PRKCA: variants seen among roughly 807,000 people sequenced by gnomAD.
The protein encoded by PRKCA is protein kinase C alpha, also known as protein kinase C alpha type.
PRKCA carries 27 observed loss-of-function variants against 87.0 expected under a neutral mutation model. The ratio of observed to expected loss-of-function variants is 0.31; its 90% confidence interval spans 0.23 to 0.43. The LOEUF (loss-of-function observed/expected upper bound fraction) is 0.43. Among genes scored for constraint, PRKCA ranks in the 20% least tolerant of loss-of-function variants. PRKCA has a pLI of 1.00. For missense variants in PRKCA, 518 were observed against 852.3 expected, an observed-to-expected ratio of 0.61 and a Z score of 4.88; for synonymous variants, 329 against 311.1, an observed-to-expected ratio of 1.06 and a Z score of -0.61.
chr17:66,410,914 T>A (rs1195945246), intron 2 of PRKCA, among the ~76,000 whole-genome samples: 1 of 152,090 alleles, frequency 6.6e-6, no homozygotes, highest in African/African-American at 2.4e-5. Context: ...TAAATTACTT[T>A]TTCATGTGTG....
chr17:66,324,411 G>A (rs1311320806), intron 2 of PRKCA, among the ~76,000 whole-genome samples: 23 of 148,194 alleles, frequency 1.6e-4, no homozygotes, highest in Non-Finnish European at 7.4e-5. Flanking sequence ...AGGCCAACCT[G>A]GCCAACATGG....
At position 66,804,926 on chromosome 17, in the gene PRKCA, C is replaced by A; in HGVS notation, c.*889C>A. On this transcript the variant is annotated 3_prime_UTR_variant, in exon 17 of 17. Coordinates refer to ENST00000413366, the MANE Select transcript of PRKCA (RefSeq NM_002737.3). Reference sequence around the variant, plus strand: ...TCACCAACACCCACCCCCACACACACCAACATTTTGCTGCCTACCTTGTTA... The same window carrying A: ...TCACCAACACCCACCCCCACACACAACAACATTTTGCTGCCTACCTTGTTA... The A allele has an allele frequency of 1.1e-6, 1 of 923,996 alleles. No homozygotes were observed. The highest frequency in any genetic ancestry group is 1.3e-6 in the Non-Finnish European group (1 of 773,752). 57.2% of individuals were successfully genotyped at this position (923,996 alleles called of 1,614,324 possible).
chr17:66,422,750 G>A (rs1598659356), intron 2 of PRKCA, among the ~76,000 whole-genome samples: 1 of 152,124 alleles, frequency 6.6e-6, no homozygotes, highest in African/African-American at 2.4e-5. Flanking sequence ...CACAGTGGTT[G>A]GATTATTTAT....
intron 2 of PRKCA, among the ~76,000 whole-genome samples, chr17:66,427,498 C>T (rs936526197): frequency 7.9e-5 from 12 of 152,204 alleles, no homozygotes; most frequent in Non-Finnish European, 1.5e-4. Flanking sequence ...AAAGTTTGTT[C>T]ACTTCTGGTC....
intron 14 of PRKCA, among the ~76,000 whole-genome samples, chr17:66,780,440 G>T (rs1226595592): frequency 2.6e-5 from 4 of 152,168 alleles, no homozygotes; most frequent in Non-Finnish European, 5.9e-5. Flanking sequence ...ACTTTGGGAG[G>T]CCCAGGTGGG....
intron 3 of PRKCA, among the ~76,000 whole-genome samples, chr17:66,582,387 T>G (rs1402227465): frequency 6.6e-6 from 1 of 152,114 alleles, no homozygotes; most frequent in Non-Finnish European, 1.5e-5. Flanking sequence ...ATTGTAATAA[T>G]CCCCATGTGT....
intron 3 of PRKCA, among the ~76,000 whole-genome samples, chr17:66,621,911 A>G (rs970834059): frequency 6.6e-6 from 1 of 152,250 alleles, no homozygotes; most frequent in Non-Finnish European, 1.5e-5. Flanking sequence ...GTCTTTAAAA[A>G]TAAGTTGAGG....
chr17:66,687,262 T>C lies in PRKCA; in HGVS notation c.681T>C (p.Phe227=). 1 of 1,613,574 alleles carries C rather than the reference T, an allele frequency of 6.2e-7. No homozygotes were observed. The highest frequency in any genetic ancestry group is 1.1e-5 in the South Asian group (1 of 91,044). ...STLNPQWNES[F]TFKLKPSDKD... is the part of the protein sequence containing the mutation. ...TAAATCCGCAGTGGAATGAGTCCTT[T>C]ACATTGTAAGTGGTCTCTCCTTGAT... Residue 227 remains phenylalanine (F), a synonymous_variant, in exon 6 of 17, where the codon TTT becomes TTC. Transcript: ENST00000413366.
intron 3 of PRKCA, among the ~76,000 whole-genome samples, chr17:66,565,892 C>A (rs913168679): frequency 1.3e-5 from 2 of 151,934 alleles, no homozygotes; most frequent in African/African-American, 4.8e-5. Context: ...CGTTGACTAC[C>A]CCGGGAAATC....
chr17:66,539,096 G>A (rs1967888983), intron 3 of PRKCA, among the ~76,000 whole-genome samples: 1 of 152,186 alleles, frequency 6.6e-6, no homozygotes, highest in African/African-American at 2.4e-5. Context: ...ACAGGCAAAT[G>A]TACTAAAACA....
chr17:66,478,203 A>G (rs901907539), intron 2 of PRKCA, among the ~76,000 whole-genome samples: 1 of 152,168 alleles, frequency 6.6e-6, no homozygotes, highest in African/African-American at 2.4e-5. Context: ...GTAGAGGAAT[A>G]GTCACTTGTG....
At chr17:66,626,247 G>A (rs1159611159) in intron 3 of PRKCA, among the ~76,000 whole-genome samples, 1 of 150,924 alleles carries the variant, frequency 6.6e-6, no homozygotes, top group Non-Finnish European at 1.5e-5. Context: ...TCCAGCAGTG[G>A]CATGATCTTG....
chr17:66,791,392 G>A (rs1300234881), intron 16 of PRKCA, among the ~76,000 whole-genome samples: 2 of 152,058 alleles, frequency 1.3e-5, no homozygotes, highest in African/African-American at 4.8e-5. Flanking sequence ...AAAAGAGGAA[G>A]GAGCTAGAAA....
intron 2 of PRKCA, among the ~76,000 whole-genome samples, chr17:66,370,719 A>G (rs1041489861): frequency 6.6e-6 from 1 of 151,514 alleles, no homozygotes; most frequent in Non-Finnish European, 1.5e-5. Flanking sequence ...CCCGGCTAAC[A>G]TTTTATGTTT....
At chr17:66,636,262 G>A (rs1043017138) in intron 3 of PRKCA, among the ~76,000 whole-genome samples, 2 of 152,106 alleles carry the variant, frequency 1.3e-5, no homozygotes, top group African/African-American at 4.8e-5. Flanking sequence ...CTAACACTGT[G>A]GTTTCTTTTG....
chr17:66,479,803 A>C (rs1257597558), intron 2 of PRKCA, among the ~76,000 whole-genome samples: 1 of 152,164 alleles, frequency 6.6e-6, no homozygotes, highest in Admixed American at 6.5e-5. Context: ...CAGCTAAACA[A>C]TGAGAACACA....
intron 2 of PRKCA, among the ~76,000 whole-genome samples, chr17:66,379,681 C>A (rs1480862285): frequency 2.0e-5 from 3 of 152,188 alleles, no homozygotes; most frequent in Non-Finnish European, 4.4e-5. Context: ...TCATGAAAGA[C>A]TTAGCAGCAT....
At chr17:66,539,465 G>A (rs1315216174) in intron 3 of PRKCA, among the ~76,000 whole-genome samples, 10 of 150,894 alleles carry the variant, frequency 6.6e-5, no homozygotes, top group East Asian at 1.9e-4. Flanking sequence ...TTGCAGTGGC[G>A]TGATCTCGGC....
At chr17:66,488,469 A>G (rs1916082511) in intron 2 of PRKCA, among the ~76,000 whole-genome samples, 1 of 152,092 alleles carries the variant, frequency 6.6e-6, no homozygotes, top group South Asian at 2.1e-4. Context: ...GCAGAGTGCT[A>G]ACACCATTTA....
Sources: gnomAD v4.1 joint callset for allele counts (sites outside exome capture counted in the v4.1 genomes callset) on GRCh38, gnomAD v4.1.1 for gene constraint, MANE v1.5 for transcripts, NCBI Gene and HGNC (gene_info 2026-07-23, HGNC 2026-07-21) for gene names.